Variants in LIMS1 observed in about 807,000 individuals in gnomAD.
LIMS1 encodes LIM and senescent cell antigen-like-containing domain protein 1.
A neutral mutation model predicts 44.1 loss-of-function variants in LIMS1; 18 were observed. The ratio of observed to expected loss-of-function variants is 0.41; its 90% CI spans 0.28 to 0.61. LIMS1 has a LOEUF of 0.61. LIMS1 is among the 20% of genes least tolerant of loss of function. The pLI, the probability that LIMS1 is intolerant of heterozygous loss-of-function variation, is 0.32. For synonymous variants in LIMS1, 93 were observed against 149.1 expected, an observed-to-expected ratio of 0.62 and a Z score of 2.74; for missense variants, 201 against 422.0, an observed-to-expected ratio of 0.48 and a Z score of 4.59.
chr2:108,611,914 CAT>C (rs1200522810), intron 1 of LIMS1, among the ~76,000 whole-genome samples: 10 of 118,330 alleles, frequency 8.5e-5, no homozygotes, highest in Non-Finnish European at 1.4e-4. Context: ...AATATACACA[CAT>C]ATAAAATATA....
intron 1 of LIMS1, among the ~76,000 whole-genome samples, chr2:108,599,560 T>A (rs1238508173): frequency 1.3e-5 from 2 of 152,212 alleles, no homozygotes; most frequent in Non-Finnish European, 2.9e-5. Flanking sequence ...GAGTGCTGGA[T>A]CCTATGGTAG....
At chr2:108,636,579 G>A (rs1016031229) in intron 1 of LIMS1, among the ~76,000 whole-genome samples, 44 of 152,208 alleles carry the variant, frequency 2.9e-4, no homozygotes, top group African/African-American at 9.9e-4. Flanking sequence ...CACAGAGGTA[G>A]CAGTAACTGC....
At chr2:108,551,311 AT>A (rs1003666401) in intron 1 of LIMS1, among the ~76,000 whole-genome samples, 5 of 147,262 alleles carry the variant, frequency 3.4e-5, no homozygotes, top group Non-Finnish European at 6.0e-5. Flanking sequence ...ATAAATATAT[AT>A]TTTTATATAA....
Position 108,638,153 on chromosome 2 carries a change from G to A in LIMS1, c.33-21452G>A, listed in dbSNP as rs181476439. Reference sequence around the variant, plus strand: ...GAGGCACCATGCCCAGCCCAAGAATGTTTTTAAATTGACTAAACACTGCTT... The same window carrying A: ...GAGGCACCATGCCCAGCCCAAGAATATTTTTAAATTGACTAAACACTGCTT... On this transcript the variant is annotated intron_variant, in intron 1 of 9. Transcript: ENST00000544547. Among the ~76,000 whole-genome samples the A allele has an allele frequency of 1.9e-4, 29 of 152,208 alleles. No individual in the cohort carries two copies. In the East Asian group the frequency reaches 4.8e-3, roughly 25 times the overall value.
intron 1 of LIMS1, among the ~76,000 whole-genome samples, chr2:108,552,858 A>G (rs1684806882): frequency 6.6e-6 from 1 of 152,106 alleles, no homozygotes; most frequent in Non-Finnish European, 1.5e-5. Flanking sequence ...AATTACAGAC[A>G]TGAGCCACTG....
At chr2:108,609,677 C>G (rs1267093776) in intron 1 of LIMS1, among the ~76,000 whole-genome samples, 1 of 152,106 alleles carries the variant, frequency 6.6e-6, no homozygotes, top group Admixed American at 6.5e-5. Flanking sequence ...TATGATACTT[C>G]AGATCTCTCA....
chr2:108,637,099 ATGTGTGTGTGTGTGTGTGTGTGTG>A (rs74315160), intron 1 of LIMS1, among the ~76,000 whole-genome samples: 55 of 98,528 alleles, frequency 5.6e-4, no homozygotes, highest in African/African-American at 1.7e-3. Flanking sequence ...ATATACATAT[ATGTGTGTGTGTGTGTGTGTGTGTG>A]TGTGTGTGTG....
intron 1 of LIMS1, among the ~76,000 whole-genome samples, chr2:108,643,588 GT>G (rs70956267): frequency 5.3e-5 from 8 of 150,092 alleles, no homozygotes; most frequent in Non-Finnish European, 7.4e-5. Context: ...GAGCTAGCCA[GT>G]TTTTTTTTTC....
At chr2:108,618,061 G>A (rs1328481266) in intron 1 of LIMS1, among the ~76,000 whole-genome samples, 1 of 152,202 alleles carries the variant, frequency 6.6e-6, no homozygotes, top group East Asian at 1.9e-4. Context: ...ATCACTGCAA[G>A]TGTCCATGAA....
intron 1 of LIMS1, among the ~76,000 whole-genome samples, chr2:108,602,323 G>A (rs1687060678): frequency 6.6e-6 from 1 of 152,116 alleles, no homozygotes; most frequent in Non-Finnish European, 1.5e-5. Context: ...AGCACTTCCA[G>A]TACTGTGTTG....
intron 1 of LIMS1, among the ~76,000 whole-genome samples, chr2:108,550,339 CA>C (rs924076397): frequency 1.1e-4 from 15 of 138,326 alleles, no homozygotes; most frequent in South Asian, 4.6e-4. Context: ...ACTATAAATA[CA>C]AAAAAAAAAT....
At chr2:108,667,845 T>C (rs1691892747) in intron 2 of LIMS1, among the ~76,000 whole-genome samples, 1 of 152,182 alleles carries the variant, frequency 6.6e-6, no homozygotes, top group African/African-American at 2.4e-5. Flanking sequence ...TGTATACTTT[T>C]CATTATCTCT....
chr2:108,661,531 G>T (rs931464667), intron 2 of LIMS1, among the ~76,000 whole-genome samples: 1 of 152,108 alleles, frequency 6.6e-6, no homozygotes, highest in Non-Finnish European at 1.5e-5. Flanking sequence ...CACAGCAGAA[G>T]AGGGCAGGAG....
At chr2:108,619,442 G>A (rs1225962225) in intron 1 of LIMS1, among the ~76,000 whole-genome samples, 1 of 151,876 alleles carries the variant, frequency 6.6e-6, no homozygotes, top group Non-Finnish European at 1.5e-5. Flanking sequence ...CCAGCAATTT[G>A]GGAGGCCGAG....
intron 1 of LIMS1, among the ~76,000 whole-genome samples, chr2:108,620,919 GC>G (rs1688199333): frequency 6.6e-6 from 1 of 152,038 alleles, no homozygotes; most frequent in Non-Finnish European, 1.5e-5. Context: ...ACTGACAACT[GC>G]CTGTGAAGTG....
At chr2:108,587,717 A>C (rs527902239) in intron 1 of LIMS1, among the ~76,000 whole-genome samples, 1 of 152,292 alleles carries the variant, frequency 6.6e-6, no homozygotes, top group East Asian at 1.9e-4. Context: ...ACTAAATTAG[A>C]TCCCTTTATT....
chr2:108,637,385 G>A (rs765559046), intron 1 of LIMS1, among the ~76,000 whole-genome samples: 2 of 152,134 alleles, frequency 1.3e-5, no homozygotes, highest in Non-Finnish European at 2.9e-5. Flanking sequence ...TAAACCCCGT[G>A]TTAAGCTTAG....
intron 1 of LIMS1, among the ~76,000 whole-genome samples, chr2:108,606,700 G>A (rs1234652917): frequency 6.6e-6 from 1 of 152,228 alleles, no homozygotes; most frequent in Non-Finnish European, 1.5e-5. Flanking sequence ...CTAAAGTTCA[G>A]TAGGATCCCA....
At chr2:108,554,981 C>G (rs909285483) in intron 1 of LIMS1, among the ~76,000 whole-genome samples, 1 of 152,218 alleles carries the variant, frequency 6.6e-6, no homozygotes, top group Non-Finnish European at 1.5e-5. Context: ...GTTTGAGAAA[C>G]ACAGGAATAG....
Sources: gnomAD v4.1 joint callset for allele counts (sites outside exome capture counted in the v4.1 genomes callset) on GRCh38, gnomAD v4.1.1 for gene constraint, MANE v1.5 for transcripts, NCBI Gene and HGNC (gene_info 2026-07-23, HGNC 2026-07-21) for gene names.